METTL16: variants seen among roughly 807,000 people sequenced by gnomAD.
METTL16 encodes methyltransferase 16, RNA N6-adenosine, also known as RNA N(6)-adenosine-methyltransferase METTL16.
METTL16 carries 19 observed loss-of-function variants against 57.9 expected under a neutral mutation model. That is an observed-to-expected ratio of 0.33 (90% CI 0.23 to 0.48). The LOEUF is 0.48. Among genes scored for constraint, METTL16 ranks in the 20% least tolerant of loss-of-function variants. The pLI is 0.99. For synonymous variants in METTL16, 246 were observed against 255.6 expected (o/e 0.96, Z 0.36); for missense variants, 434 against 691.5 (o/e 0.63, Z 4.18).
intron 2 of METTL16, among the ~76,000 whole-genome samples, chr17:2,491,664 A>G (rs2067391639): frequency 6.6e-6 from 1 of 151,922 alleles, no homozygotes; most frequent in African/African-American, 2.4e-5. Context: ...TCACGAGGTC[A>G]GGAGATGGAG....
Position 2,417,370 on chromosome 17 carries a change from G to C in METTL16, c.*2600C>G, listed in dbSNP as rs1015656965. On this transcript the variant is annotated 3_prime_UTR_variant, in exon 10 of 10. Coordinates refer to ENST00000263092, the MANE Select transcript of METTL16 (RefSeq NM_024086.4). ...AGCCACTGCGCCTGGCCACGGTCACGGATTTTTTAAAACTCTAAGGTCATT... is the reference window on the plus strand; with the variant it reads ...AGCCACTGCGCCTGGCCACGGTCACCGATTTTTTAAAACTCTAAGGTCATT... The C allele has an allele frequency of 6.6e-6, 1 of 151,996 alleles. No individual in the cohort carries two copies. Among genetic ancestry groups the C allele is most frequent in the South Asian group, 2.1e-4 (1 of 4,812 alleles). The allele number at this position is 151,996 out of a possible 1,614,324, so 9.4% of individuals were successfully genotyped here. A position where few individuals can be genotyped will look rare whatever the true frequency, so the allele number is the denominator to read the frequency against.
rs2066950444 is a variant in METTL16, at chr17:2,441,360, T to C, written c.798+130A>G. 5 of 578,306 alleles carry C rather than the reference T, an allele frequency of 8.6e-6. No homozygotes were observed. The South Asian group carries it at 1.4e-4, about 16-fold the overall frequency. 35.8% of individuals were successfully genotyped at this position (578,306 alleles called of 1,614,324 possible). ...AGGACATGCACAACGACATGAATTGTTCCGGTGACAGTTACACTGAAAGCC... is the reference window on the plus strand; with the variant it reads ...AGGACATGCACAACGACATGAATTGCTCCGGTGACAGTTACACTGAAAGCC... On this transcript the variant is annotated intron_variant, in intron 7 of 9. Coordinates refer to ENST00000263092, the MANE Select transcript of METTL16 (RefSeq NM_024086.4).
In METTL16 at chr17:2,473,660, C is replaced by T. The variant is rs540436272; in HGVS notation, c.333G>A (p.Thr111=). ...STLRRGIDIG[T]GASCIYPLLG... ...GTAAGGGGTAGATGCAAGATGCCCC[C>T]GTGCCTAATAAAATAAAAATACAAA... The change falls in exon 4 of 10, where the codon ACG becomes ACA. Residue 111 remains threonine, a synonymous_variant. Coordinates refer to ENST00000263092, the MANE Select transcript of METTL16 (RefSeq NM_024086.4). 4.5e-5 allele frequency: 73 copies of T among 1,610,840 alleles called. No homozygotes were observed. Among genetic ancestry groups the T allele is most frequent in the Non-Finnish European group, 5.8e-5 (68 of 1,179,150 alleles).
intron 2 of METTL16, among the ~76,000 whole-genome samples, chr17:2,479,251 C>A (rs1193766710): frequency 6.6e-6 from 1 of 151,866 alleles, no homozygotes; most frequent in African/African-American, 2.4e-5. Context: ...ACTGCAGCCT[C>A]ACCCTCCCAG....
chr17:2,495,593 G>A (rs1251249293), intron 2 of METTL16, among the ~76,000 whole-genome samples: 9 of 150,716 alleles, frequency 6.0e-5, no homozygotes, highest in Non-Finnish European at 1.5e-5. Context: ...TAGCCAGGAG[G>A]CTGAGGCAGA....
Position 2,487,121 on chromosome 17 carries a change from G to A in METTL16, c.129-9236C>T, listed in dbSNP as rs560749710. ...GAGAACATCTGTGAGATTTAGCAACGAAATGATATGTGAGCTAAGGGATGC... is the reference window on the plus strand; with the variant it reads ...GAGAACATCTGTGAGATTTAGCAACAAAATGATATGTGAGCTAAGGGATGC... On this transcript the variant is annotated intron_variant, in intron 2 of 9. Coordinates refer to ENST00000263092, the MANE Select transcript of METTL16 (RefSeq NM_024086.4). Among the ~76,000 whole-genome samples the A allele has an allele frequency of 2.0e-5, 3 of 151,764 alleles. No homozygotes were observed. In the East Asian group the frequency reaches 5.8e-4, roughly 29 times the overall value.
intron 1 of METTL16, among the ~76,000 whole-genome samples, chr17:2,511,343 A>G (rs975885681): frequency 6.6e-6 from 1 of 152,044 alleles, no homozygotes; most frequent in African/African-American, 2.4e-5. Flanking sequence ...CAATTTCAGA[A>G]CTTCAAATTC....
intron 1 of METTL16, among the ~76,000 whole-genome samples, chr17:2,507,519 C>G (rs553174530): frequency 0.021 from 2,686 of 130,800 alleles, 35 homozygotes; most frequent in African/African-American, 0.045. Flanking sequence ...GTCAGCCCCC[C>G]GCCCGGCCAG....
intron 6 of METTL16, among the ~76,000 whole-genome samples, chr17:2,459,329 G>T (rs963811353): frequency 6.6e-6 from 1 of 152,202 alleles, no homozygotes; most frequent in Non-Finnish European, 1.5e-5. Flanking sequence ...TGTAAACCAA[G>T]AGGTTGGATA....
chr17:2,438,722 G>A lies in METTL16; in HGVS notation c.799-524C>T, dbSNP rs1033646287. ...TCACCATCACTGGTCTCAAACTCCT[G>A]ACCTCAGGCGATCCGCCCACCTCGG... On this transcript the variant is annotated intron_variant, in intron 7 of 9. Coordinates refer to ENST00000263092, the MANE Select transcript of METTL16 (RefSeq NM_024086.4). 2.6e-5 allele frequency among the ~76,000 whole-genome samples: 4 copies of A among 152,282 alleles called. No individual in the cohort carries two copies. The East Asian group carries it at 7.7e-4, about 29-fold the overall frequency.
intron 6 of METTL16, among the ~76,000 whole-genome samples, chr17:2,447,690 G>A (rs1480959688): frequency 5.0e-5 from 7 of 140,004 alleles, no homozygotes; most frequent in Non-Finnish European, 7.7e-5. Flanking sequence ...CAGCCGCCCC[G>A]TCCGGGAGGG....
At chr17:2,509,970 G>A (rs987437488) in intron 1 of METTL16, among the ~76,000 whole-genome samples, 5 of 151,694 alleles carry the variant, frequency 3.3e-5, no homozygotes, top group East Asian at 1.9e-4. Context: ...CCAGCTACTC[G>A]GGAGGCTGAG....
chr17:2,492,149 T>C (rs1301227181), intron 2 of METTL16, among the ~76,000 whole-genome samples: 2 of 151,928 alleles, frequency 1.3e-5, no homozygotes, highest in South Asian at 2.1e-4. Context: ...AGGCGGAGCT[T>C]GCAGTGAGCC....
chr17:2,424,028 C>G (rs952625482), intron 8 of METTL16, among the ~76,000 whole-genome samples: 2 of 152,082 alleles, frequency 1.3e-5, no homozygotes, highest in Non-Finnish European at 2.9e-5. Context: ...CCCAACTTTC[C>G]CATATACAAT....
intron 2 of METTL16, among the ~76,000 whole-genome samples, chr17:2,499,827 C>T (rs755692251): frequency 1.4e-4 from 22 of 152,158 alleles, no homozygotes; most frequent in Non-Finnish European, 2.8e-4. Context: ...GATCTCGGTT[C>T]ACTAAAACCT....
chr17:2,492,389 C>T (rs2067404944), intron 2 of METTL16, among the ~76,000 whole-genome samples: 1 of 152,042 alleles, frequency 6.6e-6, no homozygotes, highest in Non-Finnish European at 1.5e-5. Flanking sequence ...CAGTGACATG[C>T]AGGGGAGAAA....
At chr17:2,453,384 C>A (rs926438803) in intron 6 of METTL16, among the ~76,000 whole-genome samples, 1 of 152,178 alleles carries the variant, frequency 6.6e-6, no homozygotes, top group Non-Finnish European at 1.5e-5. Context: ...TTCTTTTACT[C>A]TCATGACCTT....
At chr17:2,505,395 A>ATTTTT (rs564797281) in intron 1 of METTL16, among the ~76,000 whole-genome samples, 8 of 50,588 alleles carry the variant, frequency 1.6e-4, no homozygotes, top group South Asian at 7.6e-4. Flanking sequence ...GCCCAGAGGC[A>ATTTTT]TTTTTTTTTT....
intron 1 of METTL16, among the ~76,000 whole-genome samples, chr17:2,504,427 C>CT (rs970609639): frequency 8.7e-4 from 131 of 151,366 alleles, no homozygotes; most frequent in Non-Finnish European, 8.8e-4. Context: ...AAGAGTGAGT[C>CT]TTTTTTTTTA....
Sources: allele counts gnomAD v4.1 joint callset (sites outside exome capture counted in the v4.1 genomes callset), GRCh38; gene constraint gnomAD v4.1.1; transcripts MANE v1.5; gene names NCBI Gene and HGNC (gene_info 2026-07-23, HGNC 2026-07-21).